MAML3: variants seen among roughly 807,000 people sequenced by gnomAD.
MAML3 encodes the protein mastermind like transcriptional coactivator 3.
In MAML3, 27 loss-of-function variants were observed where a neutral mutation model predicts 101.9. The observed-to-expected ratio is 0.27, with a 90% CI of 0.20 to 0.37. MAML3 has a LOEUF of 0.37. MAML3 is among the 10% of genes least tolerant of loss of function. MAML3 has a pLI of 1.00. For missense variants in MAML3, 1,316 were observed against 1,444.9 expected, an observed-to-expected ratio of 0.91 and a Z score of 1.45; for synonymous variants, 501 against 555.9, an observed-to-expected ratio of 0.90 and a Z score of 1.39.
intron 1 of MAML3, among the ~76,000 whole-genome samples, chr4:140,076,109 G>A (rs566498984): frequency 3.4e-4 from 51 of 151,752 alleles, no homozygotes; most frequent in Non-Finnish European, 6.6e-4. Flanking sequence ...TCAAGTGATC[G>A]TCCTGCCTCA....
In MAML3 at chr4:139,851,963, C is replaced by T. The variant is rs754057575; in HGVS notation, c.2079+37394G>A. Among the ~76,000 whole-genome samples, 9 of 152,284 alleles carry T rather than the reference C, an allele frequency of 5.9e-5. 1 individual carries two copies. In the East Asian group the frequency reaches 9.6e-4, roughly 16 times the overall value. On this transcript the variant is annotated intron_variant, in intron 2 of 4. Coordinates refer to ENST00000509479, the MANE Select transcript of MAML3 (RefSeq NM_018717.5). Reference sequence around the variant, plus strand: ...GTGGTCTCTCTCCAAAACAAACCAACGGGTTCTAAGACCCTGAGTACCTTA... The same window carrying T: ...GTGGTCTCTCTCCAAAACAAACCAATGGGTTCTAAGACCCTGAGTACCTTA...
At chr4:139,906,234 T>C (rs1732820394) in intron 1 of MAML3, among the ~76,000 whole-genome samples, 2 of 152,226 alleles carry the variant, frequency 1.3e-5, no homozygotes, top group African/African-American at 4.8e-5. Context: ...GCTGAGACTA[T>C]GGGTGCATAC....
At chr4:139,867,465 TG>T (rs1731917139) in intron 2 of MAML3, among the ~76,000 whole-genome samples, 1 of 152,234 alleles carries the variant, frequency 6.6e-6, no homozygotes, top group South Asian at 2.1e-4. Context: ...TAACATTTGT[TG>T]AGCATCTGCT....
intron 1 of MAML3, among the ~76,000 whole-genome samples, chr4:140,100,469 A>G (rs1728236114): frequency 6.6e-6 from 1 of 152,198 alleles, no homozygotes; most frequent in African/African-American, 2.4e-5. Flanking sequence ...AACTGAAAGG[A>G]CAGAATGAGG....
intron 1 of MAML3, among the ~76,000 whole-genome samples, chr4:139,942,300 A>G (rs1163612277): frequency 6.6e-6 from 1 of 152,174 alleles, no homozygotes; most frequent in Non-Finnish European, 1.5e-5. Flanking sequence ...TAGCCCAGCT[A>G]AGAGATTTAG....
chr4:139,969,253 A>G (rs1413750148), intron 1 of MAML3, among the ~76,000 whole-genome samples: 1 of 151,194 alleles, frequency 6.6e-6, no homozygotes. Flanking sequence ...TTTGTAGCAC[A>G]CTCCCACCAT....
chr4:139,831,703 C>T (rs187033012), intron 2 of MAML3, among the ~76,000 whole-genome samples: 5 of 152,056 alleles, frequency 3.3e-5, no homozygotes, highest in South Asian at 2.1e-4. Context: ...AGATCCTGGG[C>T]GTGTGGCCAG....
chr4:140,046,274 G>C (rs573556661), intron 1 of MAML3, among the ~76,000 whole-genome samples: 2 of 152,288 alleles, frequency 1.3e-5, no homozygotes, highest in East Asian at 3.9e-4. Flanking sequence ...GTAACCACTA[G>C]TGTGAGATCG....
intron 1 of MAML3, among the ~76,000 whole-genome samples, chr4:139,944,706 C>A (rs2110745899): frequency 6.8e-6 from 1 of 147,258 alleles, no homozygotes; most frequent in South Asian, 2.3e-4. Flanking sequence ...AAATGCTCAT[C>A]ATCACTGGCC....
intron 1 of MAML3, among the ~76,000 whole-genome samples, chr4:140,051,239 C>CAGTA (rs1221642800): frequency 1.3e-5 from 2 of 152,078 alleles, no homozygotes; most frequent in Non-Finnish European, 2.9e-5. Context: ...GTGTCAAGAG[C>CAGTA]AGTAAGTCAG....
chr4:140,092,830 G>C (rs1347959272), intron 1 of MAML3, among the ~76,000 whole-genome samples: 1 of 149,470 alleles, frequency 6.7e-6, no homozygotes, highest in African/African-American at 2.5e-5. Flanking sequence ...CCACACTCCA[G>C]TTTTGTGCTG....
chr4:140,060,402 CA>C (rs1727427851), intron 1 of MAML3, among the ~76,000 whole-genome samples: 1 of 68,784 alleles, frequency 1.5e-5, no homozygotes, highest in South Asian at 5.6e-4. Context: ...AGCCTGAAAT[CA>C]AAGTCAGGCC....
In MAML3 at chr4:139,932,962, C is replaced by T. The variant is rs115258013; in HGVS notation, c.469-41995G>A. On this transcript the variant is annotated intron_variant, in intron 1 of 4. Coordinates refer to ENST00000509479, the MANE Select transcript of MAML3 (RefSeq NM_018717.5). Reference sequence around the variant, plus strand: ...ATGAGCTTGGTCTGTCAGCTTCTGACCCTCACAAGTTTATCTGGAAACACA... The same window carrying T: ...ATGAGCTTGGTCTGTCAGCTTCTGATCCTCACAAGTTTATCTGGAAACACA... Among the ~76,000 whole-genome samples, 628 of 152,270 alleles carry T rather than the reference C, an allele frequency of 4.1e-3. 3 individuals are homozygous for T. Among genetic ancestry groups the T allele is most frequent in the African/African-American group, 0.014 (581 of 41,546 alleles).
chr4:139,978,504 G>T (rs538676809), intron 1 of MAML3, among the ~76,000 whole-genome samples: 1 of 152,066 alleles, frequency 6.6e-6, no homozygotes, highest in South Asian at 2.1e-4. Flanking sequence ...CTTTAAAAAC[G>T]AGTGGCAGAG....
intron 2 of MAML3, among the ~76,000 whole-genome samples, chr4:139,779,912 C>G (rs1447008748): frequency 6.6e-6 from 1 of 152,194 alleles, no homozygotes; most frequent in African/African-American, 2.4e-5. Flanking sequence ...GATCAGTCTT[C>G]GTTATGTTGT....
chr4:139,898,354 A>G (rs1213164617), intron 1 of MAML3, among the ~76,000 whole-genome samples: 1 of 152,248 alleles, frequency 6.6e-6, no homozygotes, highest in Non-Finnish European at 1.5e-5. Context: ...CCTGATGAGA[A>G]CCACTAGAGA....
chr4:140,151,892 T>C (rs1729177359), intron 1 of MAML3, among the ~76,000 whole-genome samples: 1 of 152,186 alleles, frequency 6.6e-6, no homozygotes, highest in South Asian at 2.1e-4. Context: ...TTTAAGCCTC[T>C]TTTACCTCCC....
In MAML3 at chr4:139,998,575, C is replaced by T. The variant is rs527350524; in HGVS notation, c.469-107608G>A. On this transcript the variant is annotated intron_variant, in intron 1 of 4. Coordinates refer to ENST00000509479, the MANE Select transcript of MAML3 (RefSeq NM_018717.5). ...AAGTCTTTGTCTGAAAGTCCAACAT[C>T]TGGGGACACTCAGATTCTATTGACT... 2.0e-5 allele frequency among the ~76,000 whole-genome samples: 3 copies of T among 152,322 alleles called. No homozygotes were observed. The East Asian group carries it at 5.8e-4, about 29-fold the overall frequency.
At chr4:140,058,557 A>G (rs1434623235) in intron 1 of MAML3, among the ~76,000 whole-genome samples, 2 of 99,540 alleles carry the variant, frequency 2.0e-5, no homozygotes, top group African/African-American at 3.5e-5. Flanking sequence ...ATTGTTAGAT[A>G]TAATACATGT....
Sources: gnomAD v4.1 joint callset for allele counts (sites outside exome capture counted in the v4.1 genomes callset) on GRCh38, gnomAD v4.1.1 for gene constraint, MANE v1.5 for transcripts, NCBI Gene and HGNC (gene_info 2026-07-23, HGNC 2026-07-21) for gene names.